PGC: variants seen among roughly 807,000 people sequenced by gnomAD.
The protein encoded by PGC is progastricsin.
Under a neutral mutation model 45.9 loss-of-function variants are expected in PGC, and 31 were observed. The ratio of observed to expected loss-of-function variants is 0.67; its 90% CI spans 0.51 to 0.91. The LOEUF (loss-of-function observed/expected upper bound fraction) is 0.91, where lower values mean the gene tolerates loss of function less well. Among genes scored for constraint, PGC ranks in the 40% least tolerant of loss-of-function variants. PGC has a pLI of 0.00. For synonymous variants in PGC, 192 were observed against 201.8 expected, an observed-to-expected ratio of 0.95 and a Z score of 0.41; for missense variants, 477 against 493.2, an observed-to-expected ratio of 0.97 and a Z score of 0.31.
intron 1 of PGC, among the ~76,000 whole-genome samples, chr6:41,746,719 T>C (rs1771935825): frequency 6.6e-6 from 1 of 152,232 alleles, no homozygotes; most frequent in South Asian, 2.1e-4. Flanking sequence ...CCTCAGGAAG[T>C]ACTCTTGGGT....
intron 7 of PGC, among the ~76,000 whole-genome samples, chr6:41,738,163 TATGC>T (rs1561879672): frequency 1.4e-4 from 10 of 70,298 alleles, no homozygotes; most frequent in Non-Finnish European, 2.2e-4. Context: ...TATACATATA[TATGC>T]ATATATATAT....
intron 8 of PGC, 98 bp downstream of exon 8, chr6:41,737,632 G>A: frequency 1.4e-6 from 1 of 724,260 alleles, no homozygotes; most frequent in South Asian, 1.6e-5. Flanking sequence ...CGTGGAGTCG[G>A]AAAATGGCAC....
In PGC at chr6:41,743,296, C is replaced by A. The variant is rs1771865844; in HGVS notation, c.422G>T (p.Gly141Val). The change falls in exon 4 of 9, where the codon GGC (glycine) becomes GTC (valine). Residue 141 changes from glycine (G) to valine (V), a missense_variant. By Grantham distance (109) the Gly-to-Val change is moderately radical. Transcript: ENST00000373025. ...SLQYGSGSLT[G>V]FFGYDTLTVQ... Reference sequence around the variant, plus strand: ...AGTCAGGGTGTCATAGCCAAAGAAGCCGGTGAGGCTGCCACTGCCATACTG... The same window carrying A: ...AGTCAGGGTGTCATAGCCAAAGAAGACGGTGAGGCTGCCACTGCCATACTG... The A allele has an allele frequency of 6.2e-7, 1 of 1,612,648 alleles. No homozygotes were observed. Among genetic ancestry groups the A allele is most frequent in the Non-Finnish European group, 8.5e-7 (1 of 1,178,636 alleles).
chr6:41,741,007 G>C (rs879633567), intron 5 of PGC: 10 of 1,535,128 alleles, frequency 6.5e-6, no homozygotes, highest in Non-Finnish European at 8.7e-6. Context: ...CTTCTGGGGG[G>C]TCCCCTAGTG....
At chr6:41,746,114 A>G (rs572661440) in intron 1 of PGC, among the ~76,000 whole-genome samples, 1 of 152,080 alleles carries the variant, frequency 6.6e-6, no homozygotes, top group African/African-American at 2.4e-5. Context: ...GTGAGCCGAG[A>G]TCGCGCCATT....
Position 41,740,812 on chromosome 6 carries a change from G to A in PGC, c.648-202C>T. 3 of 1,428,124 alleles carry A rather than the reference G, an allele frequency of 2.1e-6. 1 individual carries two copies. The highest frequency in any genetic ancestry group is 2.7e-6 in the Non-Finnish European group (3 of 1,096,606). 88.5% of individuals were successfully genotyped at this position (1,428,124 alleles called of 1,614,324 possible). On this transcript the variant is annotated intron_variant, in intron 5 of 8. Coordinates refer to ENST00000373025, the MANE Select transcript of PGC (RefSeq NM_002630.4). Reference sequence around the variant, plus strand: ...TAGATTGGAGCTCCCTGAGGATGGGGCTGTGTCCCTTAGACTGGGCCTCCC... The same window carrying A: ...TAGATTGGAGCTCCCTGAGGATGGGACTGTGTCCCTTAGACTGGGCCTCCC...
chr6:41,742,247 G>A, intron 5 of PGC, 43 bp downstream of exon 5: 2 of 1,574,458 alleles, frequency 1.3e-6, no homozygotes, highest in Non-Finnish European at 1.7e-6. Context: ...GGGCGGCCGG[G>A]GGAGCATCCC....
At chr6:41,740,183 T>C (rs1037629207) in intron 6 of PGC, among the ~76,000 whole-genome samples, 1 of 152,198 alleles carries the variant, frequency 6.6e-6, no homozygotes, top group African/African-American at 2.4e-5. Flanking sequence ...TGTAAGGACT[T>C]TGAGCAAATT....
At chr6:41,741,138 G>A in intron 5 of PGC, 2 of 1,537,140 alleles carry the variant, frequency 1.3e-6, no homozygotes, top group Non-Finnish European at 1.7e-6. Context: ...ATTGGAGACA[G>A]GTAGGGTCTT....
intron 1 of PGC, among the ~76,000 whole-genome samples, chr6:41,745,014 T>TGTGTGCGC (rs1415285815): frequency 8.0e-5 from 8 of 99,782 alleles, no homozygotes; most frequent in Admixed American, 3.9e-4. Context: ...TGTGTGTGTG[T>TGTGTGCGC]GCGCGCGCGC....
chr6:41,744,668 G>A lies in PGC; in HGVS notation c.200C>T (p.Ala67Val), dbSNP rs376066070. ...GDLSVTYEPM[A>V]YMDAAYFGEI... is the part of the protein sequence containing the mutation. ...AGGGTCAGGACTCACATCCATGTAG[G>A]CCATGGGCTCGTAGGTCACGCTGAG... Residue 67 changes from alanine to valine, a missense_variant, in exon 2 of 9, where the codon GCC becomes GTC. Ala to Val is a moderately conservative substitution (Grantham distance 64, BLOSUM62 0). Transcript: ENST00000373025. The surrounding 1 kb of genome is among the most constrained non-coding windows in gnomAD (Gnocchi z 4.4). The A allele has an allele frequency of 5.3e-5, 86 of 1,613,952 alleles. No individual in the cohort carries two copies. Among genetic ancestry groups the A allele is most frequent in the Middle Eastern group, 1.6e-4 (1 of 6,084 alleles).
At chr6:41,746,737 T>C (rs942686472) in intron 1 of PGC, among the ~76,000 whole-genome samples, 1 of 152,200 alleles carries the variant, frequency 6.6e-6, no homozygotes, top group Non-Finnish European at 1.5e-5. Context: ...GGTAGAGAAA[T>C]AACAGGCAGG....
At chr6:41,741,930 G>C in intron 5 of PGC, 1 of 1,071,258 alleles carries the variant, frequency 9.3e-7, no homozygotes, top group African/African-American at 1.6e-5. Flanking sequence ...AGAAGGAAGT[G>C]AGCGAACTGC....
rs1771892263 is a variant in PGC at position 41,744,581 on chromosome 6, G to C, written c.211-67C>G. On this transcript the variant is annotated intron_variant, in intron 2 of 8. Transcript: ENST00000373025. This position sits in a 1 kb window ranked among gnomAD's most constrained non-coding sequence, Gnocchi z 4.4. Reference sequence around the variant, plus strand: ...GGGGCCCCAGGCTCCTCCATGGGCAGAGGAGTGAAGGGACCTGCCCCTTCC... The same window carrying C: ...GGGGCCCCAGGCTCCTCCATGGGCACAGGAGTGAAGGGACCTGCCCCTTCC... The C allele has an allele frequency of 6.3e-7, 1 of 1,587,536 alleles. No homozygotes were observed. Among genetic ancestry groups the C allele is most frequent in the Admixed American group, 1.7e-5 (1 of 58,542 alleles).
In PGC at chr6:41,736,949, C is replaced by A; in HGVS notation, c.1070G>T (p.Gly357Val). Residue 357 changes from glycine to valine, a missense_variant, in exon 9 of 9, where the codon GGC becomes GTC. Transcript: ENST00000373025. ...ATCCCCGAGGATCCACAGGGGCTGG[C>A]CGTTCTGGGAGGACAGGTAGGTGGG... is the stretch of plus-strand genomic sequence containing the variant. The part of the protein sequence containing the change: ...VEPTYLSSQN[G>V]QPLWILGDVF... 1.2e-6 allele frequency: 2 copies of A among 1,614,054 alleles called. No individual in the cohort carries two copies. The highest frequency in any genetic ancestry group is 1.7e-6 in the Non-Finnish European group (2 of 1,179,960).
Position 41,738,248 on chromosome 6 carries a change from A to G in PGC, c.916-420T>C, listed in dbSNP as rs1226760295. Among the ~76,000 whole-genome samples the G allele has an allele frequency of 3.1e-4, 5 of 15,890 alleles. No homozygotes were observed. The East Asian group carries it at 0.012, about 39-fold the overall frequency. 10.4% of individuals were successfully genotyped at this position (15,890 alleles called of 152,430 possible). On this transcript the variant is annotated intron_variant, in intron 7 of 8. Transcript: ENST00000373025. ...TATGCATATATATATGTATATATAT[A>G]TGCATATATATATATGCACACACAC...
In PGC at chr6:41,742,320, G is replaced by A; in HGVS notation, c.617C>T (p.Thr206Ile). 6.2e-7 allele frequency: 1 copy of A among 1,614,068 alleles called. No homozygotes were observed. The highest frequency in any genetic ancestry group is 1.1e-5 in the South Asian group (1 of 91,090). The change falls in exon 5 of 9, where the codon ACC (threonine) becomes ATC (isoleucine). Residue 206 changes from threonine to isoleucine, a missense_variant. By Grantham distance (89) the Thr-to-Ile change is moderately conservative. Coordinates refer to ENST00000373025, the MANE Select transcript of PGC (RefSeq NM_002630.4). ...GAGGTAGACGCTGAAGACGGGGCTG[G>A]TGAGGGCGCCCTCCTGCACCATGCC... ...MQGMVQEGALTSPVFSVYLSN... is the reference protein window; with the variant it reads ...MQGMVQEGALISPVFSVYLSN...
Position 41,746,824 on chromosome 6 carries a change from G to A in PGC, c.59+452C>T, listed in dbSNP as rs142602204. On this transcript the variant is annotated intron_variant, in intron 1 of 8. Transcript: ENST00000373025. ...AGAGTTTTCTCCTGACCCCTCAGGT[G>A]TAGAGATTTACATTTACTGGTGTTT... Among the ~76,000 whole-genome samples, 349 of 152,346 alleles carry A rather than the reference G, an allele frequency of 2.3e-3. 1 individual carries two copies. The highest frequency in any genetic ancestry group is 6.8e-3 in the Middle Eastern group (2 of 294).
intron 1 of PGC, among the ~76,000 whole-genome samples, chr6:41,747,050 G>A (rs1004301274): frequency 2.0e-5 from 3 of 152,224 alleles, no homozygotes; most frequent in African/African-American, 7.2e-5. Flanking sequence ...CATCAGATGG[G>A]GGAAGGGATC....
Sources: gnomAD v4.1 joint callset for allele counts (sites outside exome capture counted in the v4.1 genomes callset) on GRCh38, gnomAD v4.1.1 for gene constraint, Gnocchi (gnomAD v3.1) non-coding constraint, MANE v1.5 for transcripts, NCBI Gene and HGNC (gene_info 2026-07-23, HGNC 2026-07-21) for gene names.